Variants in PRELID2 observed in about 807,000 individuals in gnomAD.
PRELID2 encodes the protein PRELI domain-containing protein 2.
Under a neutral mutation model 28.4 loss-of-function variants are expected in PRELID2, and 25 were observed. The ratio of observed to expected loss-of-function variants is 0.88; its 90% confidence interval spans 0.64 to 1.23. The LOEUF (loss-of-function observed/expected upper bound fraction) is 1.23. Among genes scored for constraint, PRELID2 ranks in the 50% most tolerant of loss-of-function variants. PRELID2 has a pLI of 0.00. For missense variants in PRELID2, 201 were observed against 214.4 expected (o/e 0.94, Z 0.39); for synonymous variants, 76 against 71.6 (o/e 1.06, Z -0.31).
chr5:145,617,657 T>G (rs1484909050), intron 1 of PRELID2, among the ~76,000 whole-genome samples: 1 of 152,106 alleles, frequency 6.6e-6, no homozygotes, highest in Non-Finnish European at 1.5e-5. Flanking sequence ...ATCGATGAGA[T>G]TTTCCAGAGC....
chr5:145,334,473 G>C, the PRELID2 span, among the ~76,000 whole-genome samples: 1 of 151,986 alleles, frequency 6.6e-6, no homozygotes, highest in Admixed American at 6.6e-5. Context: ...CTTTTAACTT[G>C]TATACTATAG....
the PRELID2 span, among the ~76,000 whole-genome samples, chr5:145,373,376 A>T: frequency 1.1e-5 from 1 of 87,552 alleles, no homozygotes; most frequent in Non-Finnish European, 2.1e-5. Flanking sequence ...ATTATATATT[A>T]CAACATATAT....
At chr5:145,405,906 C>T in the PRELID2 span, among the ~76,000 whole-genome samples, 5 of 151,924 alleles carry the variant, frequency 3.3e-5, no homozygotes, top group African/African-American at 9.6e-5. Context: ...GGGGTTTCAC[C>T]GTTTTAGCCA....
chr5:145,622,251 G>C (rs915660181), intron 1 of PRELID2, among the ~76,000 whole-genome samples: 1 of 152,042 alleles, frequency 6.6e-6, no homozygotes, highest in African/African-American at 2.4e-5. Context: ...CTTTAAGGTG[G>C]TAATAGTTGC....
At chr5:145,551,664 C>G (rs1407429186) in intron 1 of PRELID2, among the ~76,000 whole-genome samples, 1 of 152,070 alleles carries the variant, frequency 6.6e-6, no homozygotes, top group East Asian at 1.9e-4. Flanking sequence ...AAATGATTAC[C>G]CACTGTATCA....
chr5:145,721,388 C>T (rs1348855105), intron 1 of PRELID2, among the ~76,000 whole-genome samples: 1 of 151,864 alleles, frequency 6.6e-6, no homozygotes, highest in African/African-American at 2.4e-5. Flanking sequence ...AACTGGCAAG[C>T]CAGAGAATAA....
intron 1 of PRELID2, among the ~76,000 whole-genome samples, chr5:145,487,396 G>T (rs1580955510): frequency 6.6e-6 from 1 of 152,170 alleles, no homozygotes; most frequent in East Asian, 1.9e-4. Flanking sequence ...TGATCCCAGG[G>T]GCACTACTCA....
At position 145,546,480 on chromosome 5, in the gene PRELID2, A is replaced by G. The variant is rs574854088; in HGVS notation, n.71-73165T>C. Among the ~76,000 whole-genome samples the G allele has an allele frequency of 8.5e-5, 13 of 152,298 alleles. No homozygotes were observed. In the East Asian group the frequency reaches 2.5e-3, roughly 29 times the overall value. ...CCAAGATGTACACTTGTAAAAAGGG[A>G]AACAAGGCTATGTGGAAATTCATGA... On this transcript the variant is annotated intron_variant and non_coding_transcript_variant, in intron 1 of 2. Transcript: ENST00000510259.
chr5:145,674,701 T>C (rs935366472), intron 1 of PRELID2, among the ~76,000 whole-genome samples: 1 of 152,136 alleles, frequency 6.6e-6, no homozygotes, highest in South Asian at 2.1e-4. Flanking sequence ...CCCATAACTT[T>C]GGGAGGCAGA....
chr5:145,343,761 C>T, the PRELID2 span, among the ~76,000 whole-genome samples: 1 of 151,452 alleles, frequency 6.6e-6, no homozygotes, highest in African/African-American at 2.4e-5. Context: ...AATCGATAAA[C>T]CACTATGTAG....
rs141470987 is a variant in PRELID2, at chr5:145,801,987, G to T, written c.369-5440C>A. ...CCAATGGGGTCCCTGTCTCCAGCATGAATTCCCTAAACTCCGTACTGACAA... is the reference window on the plus strand; with the variant it reads ...CCAATGGGGTCCCTGTCTCCAGCATTAATTCCCTAAACTCCGTACTGACAA... On this transcript the variant is annotated intron_variant, in intron 4 of 6. Transcript: ENST00000683046. 1.2e-4 allele frequency among the ~76,000 whole-genome samples: 19 copies of T among 152,282 alleles called. 1 individual carries two copies. The East Asian group carries it at 3.7e-3, about 29-fold the overall frequency.
the PRELID2 span, among the ~76,000 whole-genome samples, chr5:145,369,851 T>A: frequency 6.6e-6 from 1 of 152,150 alleles, no homozygotes; most frequent in African/African-American, 2.4e-5. Flanking sequence ...GTGGTTTTGA[T>A]TTGCATTCCT....
At chr5:145,513,669 G>C (rs571074846) in intron 1 of PRELID2, among the ~76,000 whole-genome samples, 3 of 152,176 alleles carry the variant, frequency 2.0e-5, no homozygotes, top group African/African-American at 7.2e-5. Flanking sequence ...TCTTCAAGAA[G>C]AGCAACTCCA....
chr5:145,784,233 TA>T (rs11299722), intron 5 of PRELID2, among the ~76,000 whole-genome samples: 103,600 of 136,236 alleles, frequency 0.76, 39,730 homozygotes, highest in East Asian at 0.91. Flanking sequence ...GTGGTGAGCT[TA>T]AAAAAAAAAA....
At chr5:145,581,824 G>A (rs1400234422) in intron 1 of PRELID2, among the ~76,000 whole-genome samples, 1 of 152,054 alleles carries the variant, frequency 6.6e-6, no homozygotes, top group Non-Finnish European at 1.5e-5. Context: ...GCACCACATA[G>A]TGAGGGAAAA....
rs1024676690 is a variant in PRELID2, at chr5:145,764,572, C to G, written c.*10+359G>C. 3.3e-5 allele frequency among the ~76,000 whole-genome samples: 5 copies of G among 152,232 alleles called. 1 individual carries two copies. The highest frequency in any genetic ancestry group is 1.2e-4 in the African/African-American group (5 of 41,472). ...TGTTTCTCTTCCTGCTCCAATTACA[C>G]TTTTAAAGGCTTCCTTTGATTATTT... On this transcript the variant is annotated intron_variant, in intron 6 of 6. Transcript: ENST00000683046.
chr5:145,544,067 A>T (rs985438627), intron 1 of PRELID2, among the ~76,000 whole-genome samples: 7 of 152,098 alleles, frequency 4.6e-5, no homozygotes, highest in African/African-American at 1.4e-4. Context: ...GACAGAGTGA[A>T]GCAGAATTTT....
At chr5:145,498,724 T>G (rs1038822380) in intron 1 of PRELID2, among the ~76,000 whole-genome samples, 8 of 151,984 alleles carry the variant, frequency 5.3e-5, no homozygotes, top group Non-Finnish European at 7.4e-5. Context: ...TTTGTTTTGT[T>G]TTTTGTATTT....
the PRELID2 span, among the ~76,000 whole-genome samples, chr5:145,343,315 A>G: frequency 5.9e-5 from 9 of 152,000 alleles, no homozygotes; most frequent in Admixed American, 5.9e-4. Context: ...CCAATATTAT[A>G]TCAAGTATTT....
Sources: gnomAD v4.1 joint callset for allele counts (sites outside exome capture counted in the v4.1 genomes callset) on GRCh38, gnomAD v4.1.1 for gene constraint, MANE v1.5 for transcripts, NCBI Gene and HGNC (gene_info 2026-07-23, HGNC 2026-07-21) for gene names.